The following SOX6 variants were observed in gnomAD, a reference collection of about 807,000 sequenced individuals.
The protein encoded by SOX6 is transcription factor SOX-6.
SOX6 carries 11 observed loss-of-function variants against 97.8 expected under a neutral mutation model. The ratio of observed to expected loss-of-function variants is 0.11; its 90% confidence interval spans 0.07 to 0.19. The LOEUF (loss-of-function observed/expected upper bound fraction) is 0.19. Among genes scored for constraint, SOX6 ranks in the 10% least tolerant of loss-of-function variants. The probability of loss-of-function intolerance (pLI) is 1.00; values close to 1 mark genes in which losing one functional copy is unlikely to be tolerated. For missense variants in SOX6, 810 were observed against 1,039.5 expected, an observed-to-expected ratio of 0.78 and a Z score of 3.04; for synonymous variants, 360 against 371.4, an observed-to-expected ratio of 0.97 and a Z score of 0.35.
intron 2 of SOX6, among the ~76,000 whole-genome samples, chr11:16,735,856 A>AT (rs1848387245): frequency 6.6e-6 from 1 of 152,018 alleles, no homozygotes; most frequent in Non-Finnish European, 1.5e-5. Flanking sequence ...GAAACAGCAG[A>AT]TTTTTTGTAC....
intron 3 of SOX6, among the ~76,000 whole-genome samples, chr11:16,260,629 TC>T (rs1853859738): frequency 6.6e-6 from 1 of 152,170 alleles, no homozygotes; most frequent in Admixed American, 6.5e-5. Context: ...GGACACACTG[TC>T]TACCTGCTCT....
intron 3 of SOX6, among the ~76,000 whole-genome samples, chr11:16,299,875 A>T (rs1378840930): frequency 6.6e-6 from 1 of 152,188 alleles, no homozygotes; most frequent in African/African-American, 2.4e-5. Flanking sequence ...AAAAATCCAA[A>T]ATAATTAATT....
chr11:16,604,919 GGAAGCAGC>G (rs1011690768), intron 4 of SOX6, among the ~76,000 whole-genome samples: 13 of 152,280 alleles, frequency 8.5e-5, no homozygotes, highest in Admixed American at 8.5e-4. Flanking sequence ...GGAGCGCCGG[GGAAGCAGC>G]CCGGCACCGA....
chr11:16,729,410 G>A (rs550119303), intron 2 of SOX6, among the ~76,000 whole-genome samples: 1 of 152,320 alleles, frequency 6.6e-6, no homozygotes, highest in Admixed American at 6.5e-5. Flanking sequence ...CCAGAAGAGA[G>A]TGGGGGCCAA....
At chr11:16,254,266 A>C (rs1853613247) in intron 3 of SOX6, among the ~76,000 whole-genome samples, 1 of 152,076 alleles carries the variant, frequency 6.6e-6, no homozygotes, top group Non-Finnish European at 1.5e-5. Context: ...GCATACAAAA[A>C]GGAAGAGCAT....
intron 4 of SOX6, among the ~76,000 whole-genome samples, chr11:16,221,660 A>G (rs1283726820): frequency 6.6e-6 from 1 of 152,180 alleles, no homozygotes. Flanking sequence ...GGTTAAAATA[A>G]TTCATTCAAG....
chr11:16,423,991 C>G (rs1025420792), intron 1 of SOX6, among the ~76,000 whole-genome samples: 1 of 152,028 alleles, frequency 6.6e-6, no homozygotes, highest in Non-Finnish European at 1.5e-5. Context: ...TTTAGTCAAC[C>G]GTATTAATTA....
intron 1 of SOX6, among the ~76,000 whole-genome samples, chr11:16,460,026 A>G (rs1262987090): frequency 6.6e-6 from 1 of 151,984 alleles, no homozygotes; most frequent in Non-Finnish European, 1.5e-5. Context: ...TGATAATCAA[A>G]TTGCTTAAAA....
chr11:16,084,793 T>A (rs1484450751), intron 9 of SOX6, among the ~76,000 whole-genome samples: 1 of 152,218 alleles, frequency 6.6e-6, no homozygotes, highest in Non-Finnish European at 1.5e-5. Flanking sequence ...ATAGTCATCT[T>A]TCTGTTTCAC....
At chr11:16,403,215 C>T (rs550200173) in intron 1 of SOX6, among the ~76,000 whole-genome samples, 52 of 151,604 alleles carry the variant, frequency 3.4e-4, no homozygotes, top group Admixed American at 3.1e-3. Flanking sequence ...CTCCTGAGGC[C>T]CAGTCTTAGA....
chr11:16,265,753 CA>C (rs1278891848), intron 3 of SOX6, among the ~76,000 whole-genome samples: 1 of 151,568 alleles, frequency 6.6e-6, no homozygotes, highest in East Asian at 1.9e-4. Flanking sequence ...CACATGTAAA[CA>C]AAAAATTATT....
At chr11:16,626,655 C>A (rs1182615150) in intron 3 of SOX6, among the ~76,000 whole-genome samples, 1 of 152,044 alleles carries the variant, frequency 6.6e-6, no homozygotes, top group African/African-American at 2.4e-5. Flanking sequence ...TTAACACCAC[C>A]AACTTTTTCA....
At chr11:16,398,331 T>G (rs915650008) in intron 1 of SOX6, among the ~76,000 whole-genome samples, 1 of 151,522 alleles carries the variant, frequency 6.6e-6, no homozygotes, top group African/African-American at 2.4e-5. Context: ...TGTTTTTCTG[T>G]AGCTGAGTGC....
chr11:16,267,016 T>C (rs1854101520), intron 3 of SOX6, among the ~76,000 whole-genome samples: 1 of 150,902 alleles, frequency 6.6e-6, no homozygotes, highest in Non-Finnish European at 1.5e-5. Flanking sequence ...CTCACTCTTA[T>C]TTTATACCAC....
At position 16,297,697 on chromosome 11, in the gene SOX6, CAG is replaced by C. The variant is rs1432192501; in HGVS notation, c.445+20747_445+20748del. Among the ~76,000 whole-genome samples, 4 of 152,260 alleles carry C rather than the reference CAG, an allele frequency of 2.6e-5. No homozygotes were observed. In the East Asian group the frequency reaches 5.8e-4, roughly 22 times the overall value. Reference sequence around the variant, plus strand: ...CACGCAGTGGGAGCTATGCTGGAGACAGAGTCACTGATTAAATATATCACTTT... The same window carrying C: ...CACGCAGTGGGAGCTATGCTGGAGACAGTCACTGATTAAATATATCACTTT... On this transcript the variant is annotated intron_variant, in intron 3 of 15. Transcript: ENST00000683767.
At chr11:16,091,106 T>C (rs1437921207) in intron 9 of SOX6, among the ~76,000 whole-genome samples, 5 of 152,162 alleles carry the variant, frequency 3.3e-5, no homozygotes, top group Non-Finnish European at 7.4e-5. Flanking sequence ...GTTAATTCCA[T>C]TAGCCTACAG....
chr11:16,190,473 A>T (rs1851600030), intron 4 of SOX6, among the ~76,000 whole-genome samples: 1 of 152,258 alleles, frequency 6.6e-6, no homozygotes, highest in Admixed American at 6.5e-5. Flanking sequence ...CTATTCACAC[A>T]GCATTTACAT....
intron 8 of SOX6, 92 bp from the exon 9 acceptor site, chr11:16,096,210 T>C (rs1289053052): frequency 7.0e-7 from 1 of 1,429,042 alleles, no homozygotes; most frequent in African/African-American, 1.4e-5. Context: ...TCCAGGGTAT[T>C]GACCACATCA....
At chr11:16,466,791 C>G (rs1415620154) in intron 1 of SOX6, among the ~76,000 whole-genome samples, 2 of 149,698 alleles carry the variant, frequency 1.3e-5, no homozygotes, top group Non-Finnish European at 3.0e-5. Context: ...ATTAGCCGGG[C>G]GTAGTGGCGG....
Sources: gnomAD v4.1 joint callset for allele counts (sites outside exome capture counted in the v4.1 genomes callset) on GRCh38, gnomAD v4.1.1 for gene constraint, MANE v1.5 for transcripts, NCBI Gene and HGNC (gene_info 2026-07-23, HGNC 2026-07-21) for gene names.